POTEF: variants seen among roughly 807,000 people sequenced by gnomAD.
POTEF encodes the protein ANKRD26-like family C member 1B.
POTEF carries 20 observed loss-of-function variants against 83.2 expected under a neutral mutation model. The ratio of observed to expected loss-of-function variants is 0.24; its 90% CI spans 0.17 to 0.35. The LOEUF (loss-of-function observed/expected upper bound fraction) is 0.35. Ranked by LOEUF, POTEF falls within the 10% of genes least tolerant of loss-of-function variation. The pLI is 1.00. For missense variants in POTEF, 550 were observed against 1,203.2 expected (o/e 0.46, Z 8.03); for synonymous variants, 196 against 446.4 (o/e 0.44, Z 7.07).
intron 7 of POTEF, among the ~76,000 whole-genome samples, chr2:130,108,405 G>T (rs1173281328): frequency 6.6e-6 from 1 of 152,036 alleles, no homozygotes; most frequent in Non-Finnish European, 1.5e-5. Context: ...TGGACAACTT[G>T]CTTCTCTTAG....
rs776726237 is a variant in POTEF at position 130,115,333 on chromosome 2, G to C, written c.522-5C>G. ...GAGGCCAGATGTAGAGCAGTCCTAT[G>C]AGAGTGAGAAGACTTTTTAGGAAAT... On this transcript the variant is annotated splice_region_variant and splice_polypyrimidine_tract_variant and intron_variant, in intron 3 of 16. Transcript: ENST00000409914. The C allele has an allele frequency of 6.2e-6, 10 of 1,612,960 alleles. No individual in the cohort carries two copies. In the African/African-American group the frequency reaches 1.1e-4, roughly 17 times the overall value.
Position 130,121,440 on chromosome 2 carries a change from AG to A in POTEF, c.-93-833del, listed in dbSNP as rs530316503. On this transcript the variant is annotated intron_variant, in intron 2 of 16. Transcript: ENST00000409914. Reference sequence around the variant, plus strand: ...GTGCATGGCAGCAGCTGCAGCTGGGAGCTCGGGCTGACGGAGCTGGCTGCAA... The same window carrying A: ...GTGCATGGCAGCAGCTGCAGCTGGGACTCGGGCTGACGGAGCTGGCTGCAA... Among the ~76,000 whole-genome samples the A allele has an allele frequency of 5.8e-3, 674 of 115,678 alleles. 23 individuals carry two copies. Among genetic ancestry groups the A allele is most frequent in the Admixed American group, 0.055 (611 of 11,150 alleles). The allele number at this position is 115,678 out of a possible 152,430, so 75.9% of individuals were successfully genotyped here.
At chr2:130,118,262 A>G (rs1293782473) in intron 3 of POTEF, among the ~76,000 whole-genome samples, 3 of 151,940 alleles carry the variant, frequency 2.0e-5, no homozygotes, top group African/African-American at 4.8e-5. Context: ...TCTAACTTAA[A>G]TAGAAAACAG....
At chr2:130,087,649 T>C (rs1684041295) in intron 13 of POTEF, among the ~76,000 whole-genome samples, 1 of 137,026 alleles carries the variant, frequency 7.3e-6, no homozygotes, top group Non-Finnish European at 1.6e-5. Context: ...TTTTTTTTTT[T>C]TTCACATGGA....
intron 12 of POTEF, among the ~76,000 whole-genome samples, chr2:130,088,952 T>TC (rs1252534887): frequency 6.6e-6 from 1 of 152,096 alleles, no homozygotes; most frequent in Non-Finnish European, 1.5e-5. Flanking sequence ...AACAGGTACC[T>TC]CCTTCCTTGA....
At chr2:130,120,709 G>A (rs1443346100) in intron 2 of POTEF, 101 bp from the exon 3 acceptor site, 53 of 956,482 alleles carry the variant, frequency 5.5e-5, no homozygotes, top group Non-Finnish European at 7.5e-5. Flanking sequence ...ACCCACCCGA[G>A]GAAAGCCCAC....
intron 15 of POTEF, among the ~76,000 whole-genome samples, chr2:130,078,148 G>A (rs576336339): frequency 1.1e-5 from 1 of 93,368 alleles, no homozygotes; most frequent in South Asian, 3.2e-4. Context: ...TGGAAAAGAG[G>A]AAGTCAAACT....
intron 8 of POTEF, among the ~76,000 whole-genome samples, chr2:130,105,561 G>A (rs2104806916): frequency 6.6e-6 from 1 of 151,550 alleles, no homozygotes; most frequent in East Asian, 1.9e-4. Flanking sequence ...AGTTTTATAG[G>A]AGCTCAGTCA....
At chr2:130,094,935 T>C (rs573308914) in intron 11 of POTEF, among the ~76,000 whole-genome samples, 284 of 146,032 alleles carry the variant, frequency 1.9e-3, no homozygotes, top group Non-Finnish European at 2.7e-3. Flanking sequence ...AAAATTAATA[T>C]AAAGAATGTA....
chr2:130,104,739 CTTT>C (rs1276347554), intron 8 of POTEF, among the ~76,000 whole-genome samples: 7 of 151,270 alleles, frequency 4.6e-5, no homozygotes, highest in Non-Finnish European at 8.8e-5. Flanking sequence ...CGATATTCAT[CTTT>C]ATCCATTAAG....
At chr2:130,121,130 C>T (rs1289318358) in intron 2 of POTEF, among the ~76,000 whole-genome samples, 2 of 151,722 alleles carry the variant, frequency 1.3e-5, no homozygotes, top group East Asian at 2.0e-4. Flanking sequence ...GCGGCGTGCG[C>T]GTGCGCGTGC....
chr2:130,110,355 C>G (rs1411085155), intron 7 of POTEF, among the ~76,000 whole-genome samples, 188 bp downstream of exon 7: 2 of 150,678 alleles, frequency 1.3e-5, no homozygotes, highest in Non-Finnish European at 1.5e-5. Context: ...AATCCCGCAC[C>G]CATTGGTACT....
chr2:130,128,652 G>A (rs558253447), intron 1 of POTEF, among the ~76,000 whole-genome samples: 105 of 149,592 alleles, frequency 7.0e-4, no homozygotes, highest in African/African-American at 2.4e-3. Context: ...CAAAATCGCC[G>A]CCCCCACCCC....
chr2:130,075,554 T>C lies in POTEF; in HGVS notation c.1918A>G (p.Lys640Glu), dbSNP rs747785476. The part of the protein sequence containing the change: ...MNSELSLSCK[K>E]EKDILHENST... Reference sequence around the variant, plus strand: ...TTTTCATGCAAGATGTCTTTTTCTTTCTTACAACTAAGAGAAAGCTAAGTA... The same window carrying C: ...TTTTCATGCAAGATGTCTTTTTCTTCCTTACAACTAAGAGAAAGCTAAGTA... The change falls in exon 17 of 17, where the codon AAA becomes GAA. Residue 640 changes from lysine to glutamate, a missense_variant. Transcript: ENST00000409914. 1.9e-6 allele frequency: 3 copies of C among 1,610,534 alleles called. No homozygotes were observed. The highest frequency in any genetic ancestry group is 2.5e-6 in the Non-Finnish European group (3 of 1,179,516).
At chr2:130,104,183 ATAAGAAG>A (rs1295707359) in intron 8 of POTEF, among the ~76,000 whole-genome samples, 1 of 150,136 alleles carries the variant, frequency 6.7e-6, no homozygotes, top group Non-Finnish European at 1.5e-5. Context: ...AGTCAATTCT[ATAAGAAG>A]TCAGAGAAAT....
At chr2:130,085,171 ATGTG>A (rs1456060413) in intron 15 of POTEF, among the ~76,000 whole-genome samples, 20 of 108,204 alleles carry the variant, frequency 1.8e-4, no homozygotes, top group Non-Finnish European at 1.4e-4. Flanking sequence ...ACTGTTATAT[ATGTG>A]TGTGTGAATA....
intron 2 of POTEF, among the ~76,000 whole-genome samples, chr2:130,123,568 TGTAA>T (rs1040321477): frequency 1.3e-5 from 2 of 151,938 alleles, no homozygotes; most frequent in East Asian, 1.9e-4. Context: ...TTGTATATTC[TGTAA>T]GTGACATATG....
Position 130,115,089 on chromosome 2 carries a change from T to A in POTEF, c.637-35A>T, listed in dbSNP as rs552068445. The A allele has an allele frequency of 3.2e-4, 474 of 1,461,556 alleles. 4 individuals carry two copies. The South Asian group carries it at 6.1e-3, about 19-fold the overall frequency. 90.5% of individuals were successfully genotyped at this position (1,461,556 alleles called of 1,614,324 possible). ...TTAGACCAAAAACAAATTACAAATC[T>A]TAGGAATTCAAAATAACATTCCACA... is the stretch of plus-strand genomic sequence containing the variant. On this transcript the variant is annotated intron_variant, in intron 4 of 16. Coordinates refer to ENST00000409914, the MANE Select transcript of POTEF (RefSeq NM_001099771.2).
intron 1 of POTEF, among the ~76,000 whole-genome samples, chr2:130,128,477 C>T (rs1427809757): frequency 6.7e-6 from 1 of 149,056 alleles, no homozygotes; most frequent in Non-Finnish European, 1.5e-5. Context: ...TGACCCCTGC[C>T]GCCGGCAGTG....
Sources: allele counts gnomAD v4.1 joint callset (sites outside exome capture counted in the v4.1 genomes callset), GRCh38; gene constraint gnomAD v4.1.1; transcripts MANE v1.5; gene names NCBI Gene and HGNC (gene_info 2026-07-23, HGNC 2026-07-21).